Variants in LRRC51 observed in about 807,000 individuals in gnomAD.
LRRC51 encodes leucine-rich repeat-containing protein 51.
Under a neutral mutation model 17.8 loss-of-function variants are expected in LRRC51, and 8 were observed. The observed-to-expected ratio is 0.45, with a 90% CI of 0.26 to 0.81. LRRC51 has a LOEUF of 0.81. Ranked by LOEUF, LRRC51 falls within the 30% of genes least tolerant of loss-of-function variation. The probability of loss-of-function intolerance (pLI) is 0.17; values close to 1 mark genes in which losing one functional copy is unlikely to be tolerated. For missense variants in LRRC51, 233 were observed against 239.3 expected (o/e 0.97, Z 0.17); for synonymous variants, 92 against 96.0 (o/e 0.96, Z 0.24).
chr11:72,081,786 G>C (rs917527693), intron 1 of LRRC51, among the ~76,000 whole-genome samples: 2 of 152,046 alleles, frequency 1.3e-5, no homozygotes, highest in Non-Finnish European at 2.9e-5. Flanking sequence ...AAGCTCTACA[G>C]TTAGAGCTTC....
At position 72,094,866 on chromosome 11, in the gene LRRC51, T is replaced by C. The variant is rs915204391; in HGVS notation, c.289-82T>C. 7 of 1,614,038 alleles carry C rather than the reference T, an allele frequency of 4.3e-6. No homozygotes were observed. The Admixed American group carries it at 8.3e-5, about 19-fold the overall frequency. ...GGCAGGTTGTTCCCCACATTCTTCC[T>C]TCTCTGCCCACGAGTCAGCCCTGAG... On this transcript the variant is annotated intron_variant, in intron 4 of 5. Transcript: ENST00000289488.
chr11:72,081,773 T>C (rs1192771047), intron 1 of LRRC51, among the ~76,000 whole-genome samples: 3 of 152,198 alleles, frequency 2.0e-5, no homozygotes, highest in African/African-American at 4.8e-5. Flanking sequence ...GGTCCGCTAC[T>C]CAAAGCTCTA....
chr11:72,093,688 C>T lies in LRRC51; in HGVS notation c.275C>T (p.Thr92Ile). 1 of 1,614,236 alleles carries T rather than the reference C, an allele frequency of 6.2e-7. No homozygotes were observed. The highest frequency in any genetic ancestry group is 8.5e-7 in the Non-Finnish European group (1 of 1,180,044). Residue 92 changes from threonine (T) to isoleucine (I), a missense_variant, in exon 4 of 6, where the codon ACT becomes ATT. Coordinates refer to ENST00000289488, the MANE Select transcript of LRRC51 (RefSeq NM_145309.6). ...ATCGACCTGTCCTTTAATGACCTGACTTCCATTGACCCTGTGAGTTCCTAA... is the reference window on the plus strand; with the variant it reads ...ATCGACCTGTCCTTTAATGACCTGATTTCCATTGACCCTGTGAGTTCCTAA... ...AWIDLSFNDLTSIDPVLTTFF... is the reference protein window; with the variant it reads ...AWIDLSFNDLISIDPVLTTFF...
At chr11:72,093,754 C>T (rs1944996465) in intron 4 of LRRC51, 53 bp downstream of exon 4, 1 of 1,529,580 alleles carries the variant, frequency 6.5e-7, no homozygotes. Context: ...CCACTTTGTT[C>T]AGCCCCCAAC....
At chr11:72,094,678 A>G (rs1030040637) in intron 4 of LRRC51, 19 of 710,646 alleles carry the variant, frequency 2.7e-5, no homozygotes, top group African/African-American at 2.3e-4. Context: ...TGAAGGGGCA[A>G]CTAAGGCTGA....
At chr11:72,087,284 A>ATTTTTT (rs1944587691) in intron 1 of LRRC51, among the ~76,000 whole-genome samples, 2 of 113,330 alleles carry the variant, frequency 1.8e-5, no homozygotes, top group African/African-American at 6.6e-5. Context: ...TTTAACAGAA[A>ATTTTTT]TTCTTTTTTT....
At chr11:72,092,935 C>A (rs1944946664) in intron 3 of LRRC51, among the ~76,000 whole-genome samples, 1 of 152,246 alleles carries the variant, frequency 6.6e-6, no homozygotes, top group East Asian at 1.9e-4. Context: ...TTGCTCCCAT[C>A]TTGCCCATAT....
intron 1 of LRRC51, among the ~76,000 whole-genome samples, chr11:72,084,914 A>G (rs1304742442): frequency 5.3e-5 from 2 of 37,902 alleles, no homozygotes; most frequent in African/African-American, 7.8e-5. Flanking sequence ...GTAAAACCTT[A>G]TTAGCTATAC....
chr11:72,093,043 T>C (rs1156996293), intron 3 of LRRC51, among the ~76,000 whole-genome samples: 1 of 152,238 alleles, frequency 6.6e-6, no homozygotes, highest in Non-Finnish European at 1.5e-5. Flanking sequence ...GTATATCCAG[T>C]ACCTGGCATA....
chr11:72,091,798 C>T (rs1944879589), intron 3 of LRRC51, among the ~76,000 whole-genome samples: 1 of 152,172 alleles, frequency 6.6e-6, no homozygotes, highest in Admixed American at 6.5e-5. Flanking sequence ...GTTGCCCAGG[C>T]TGGTCTCAAA....
intron 1 of LRRC51, among the ~76,000 whole-genome samples, chr11:72,083,347 G>A (rs183360625): frequency 6.6e-6 from 1 of 152,244 alleles, no homozygotes; most frequent in Non-Finnish European, 1.5e-5. Context: ...TGCCTGGAAT[G>A]CTCATTCCAC....
chr11:72,083,799 G>A (rs966359805), intron 1 of LRRC51: 1 of 152,200 alleles, frequency 6.6e-6, no homozygotes, highest in African/African-American at 2.4e-5. Context: ...AGAGCTGGAA[G>A]GAGACACTGT....
chr11:72,096,626 C>T lies in LRRC51; in HGVS notation c.*1106C>T. 6.6e-7 allele frequency: 1 copy of T among 1,514,818 alleles called. No homozygotes were observed. The highest frequency in any genetic ancestry group is 8.8e-7 in the Non-Finnish European group (1 of 1,130,434). 93.8% of individuals were successfully genotyped at this position (1,514,818 alleles called of 1,614,324 possible). On this transcript the variant is annotated 3_prime_UTR_variant, in exon 6 of 6. Coordinates refer to ENST00000289488, the MANE Select transcript of LRRC51 (RefSeq NM_145309.6). ...CTGGAGACGTGGGTTTACCACACAGCCTTGGGAAATTTATCTAACTCTCTG... is the reference window on the plus strand; with the variant it reads ...CTGGAGACGTGGGTTTACCACACAGTCTTGGGAAATTTATCTAACTCTCTG...
At chr11:72,081,675 T>C (rs2035742328) in intron 1 of LRRC51, among the ~76,000 whole-genome samples, 1 of 152,110 alleles carries the variant, frequency 6.6e-6, no homozygotes, top group Admixed American at 6.6e-5. Context: ...TCCTGGGGCG[T>C]GAAGTGCCTC....
chr11:72,085,664 G>A (rs1354999571), intron 1 of LRRC51: 1 of 152,196 alleles, frequency 6.6e-6, no homozygotes, highest in African/African-American at 2.4e-5. Flanking sequence ...GTTAGCTATT[G>A]CCGTGTAATA....
In LRRC51 at chr11:72,096,045, C is replaced by T. The variant is rs1945191312; in HGVS notation, c.*525C>T. ...TGAGACGGAGTCTCGCTCTGTCACCCAGGCTGGAGTGCAGTGGCACGATCT... is the reference window on the plus strand; with the variant it reads ...TGAGACGGAGTCTCGCTCTGTCACCTAGGCTGGAGTGCAGTGGCACGATCT... On this transcript the variant is annotated 3_prime_UTR_variant, in exon 6 of 6. Transcript: ENST00000289488. 2.6e-5 allele frequency: 5 copies of T among 192,002 alleles called. No homozygotes were observed. The Admixed American group carries it at 2.7e-4, about 10-fold the overall frequency. The allele number at this position is 192,002 out of a possible 1,614,324, so 11.9% of individuals were successfully genotyped here.
At chr11:72,084,794 A>AC (rs1944428282) in intron 1 of LRRC51, among the ~76,000 whole-genome samples, 1 of 143,638 alleles carries the variant, frequency 7.0e-6, no homozygotes, top group South Asian at 2.2e-4. Context: ...CTGAGGTAGC[A>AC]CCATTGCACT....
intron 5 of LRRC51, 62 bp downstream of exon 5, chr11:72,095,158 G>C: frequency 6.3e-7 from 1 of 1,595,630 alleles, no homozygotes; most frequent in Non-Finnish European, 8.5e-7. Flanking sequence ...AGGAGGAGGA[G>C]AAACAAGAAA....
chr11:72,082,422 C>A (rs1944289683), intron 1 of LRRC51, among the ~76,000 whole-genome samples: 1 of 152,114 alleles, frequency 6.6e-6, no homozygotes, highest in South Asian at 2.1e-4. Flanking sequence ...ACTTCATTTT[C>A]CACCTGTATG....
Sources: allele counts gnomAD v4.1 joint callset (sites outside exome capture counted in the v4.1 genomes callset), GRCh38; gene constraint gnomAD v4.1.1; transcripts MANE v1.5; gene names NCBI Gene and HGNC (gene_info 2026-07-23, HGNC 2026-07-21).